The following PPFIA1 variants were observed in gnomAD, a reference collection of about 807,000 sequenced individuals.
PPFIA1 encodes the protein PPFI scaffold protein A1.
Under a neutral mutation model 149.9 loss-of-function variants are expected in PPFIA1, and 25 were observed. That is an observed-to-expected ratio of 0.17 (90% CI 0.12 to 0.23). The LOEUF (loss-of-function observed/expected upper bound fraction) is 0.23, where lower values mean the gene tolerates loss of function less well. Ranked by LOEUF, PPFIA1 falls within the 10% of genes least tolerant of loss-of-function variation. PPFIA1 has a pLI of 1.00. For missense variants in PPFIA1, 1,362 were observed against 1,506.5 expected (o/e 0.90, Z 1.59); for synonymous variants, 549 against 552.8 (o/e 0.99, Z 0.10).
Position 70,365,434 on chromosome 11 carries a change from C to T in PPFIA1, c.2865+2946C>T, listed in dbSNP as rs879389943. ...GAAACGCTCGCAGCCACGCCGCAAA[C>T]GGTTAGTCACGCCCCACAGCCTGCA... On this transcript the variant is annotated intron_variant, in intron 21 of 27. Transcript: ENST00000253925. 3 of 456,668 alleles carry T rather than the reference C, an allele frequency of 6.6e-6. No homozygotes were observed. In the East Asian group the frequency reaches 2.1e-4, roughly 32 times the overall value. 28.3% of individuals were successfully genotyped at this position (456,668 alleles called of 1,614,324 possible).
chr11:70,292,515 A>G (rs72945194), intron 2 of PPFIA1, among the ~76,000 whole-genome samples: 18,799 of 152,240 alleles, frequency 0.12, 1,272 homozygotes, highest in Admixed American at 0.18. Flanking sequence ...GTTTCCTCAC[A>G]GTAAATTAGA....
chr11:70,330,432 A>G, intron 8 of PPFIA1, 113 bp downstream of exon 8: 1 of 903,786 alleles, frequency 1.1e-6, no homozygotes, highest in Non-Finnish European at 1.6e-6. Flanking sequence ...AGTTTTTATG[A>G]CCTTAGAATA....
rs770397955 is a variant in PPFIA1 at position 70,362,326 on chromosome 11, C to T, written c.2703C>T (p.Cys901=). Residue 901 remains cysteine, a synonymous_variant, in exon 21 of 28, where the codon TGC becomes TGT. Transcript: ENST00000253925. The part of the protein sequence containing the change: ...VGMPAWYVAA[C]RANVKSGAIM... ...TGCCAGCCTGGTATGTGGCTGCCTG[C>T]CGAGCAAACGTGAAAAGCGGGGCCA... The T allele has an allele frequency of 1.2e-6, 2 of 1,614,208 alleles. No individual in the cohort carries two copies. The highest frequency in any genetic ancestry group is 2.2e-5 in the South Asian group (2 of 91,084).
At chr11:70,285,355 C>A (rs551070061) in intron 2 of PPFIA1, among the ~76,000 whole-genome samples, 1 of 152,054 alleles carries the variant, frequency 6.6e-6, no homozygotes, top group African/African-American at 2.4e-5. Context: ...AGAGCCACTT[C>A]AAGTGCATGG....
intron 15 of PPFIA1, among the ~76,000 whole-genome samples, chr11:70,347,021 A>G (rs1351166465): frequency 6.6e-6 from 1 of 152,216 alleles, no homozygotes. Flanking sequence ...TGAGGATGGT[A>G]GAGAATCCCA....
At chr11:70,272,048 A>C (rs2050126603) in intron 1 of PPFIA1, 125 bp from the exon 2 acceptor site, 1 of 1,083,752 alleles carries the variant, frequency 9.2e-7, no homozygotes, top group Non-Finnish European at 1.3e-6. Context: ...TTACACACAA[A>C]GCATAACAGA....
chr11:70,365,398 A>G (rs750885740), intron 21 of PPFIA1: 3 of 456,468 alleles, frequency 6.6e-6, no homozygotes, highest in East Asian at 7.0e-5. Flanking sequence ...TGGTTAACAC[A>G]CGAAGAGATG....
intron 19 of PPFIA1, among the ~76,000 whole-genome samples, chr11:70,360,658 C>T (rs777074419): frequency 2.0e-5 from 3 of 152,270 alleles, no homozygotes; most frequent in Non-Finnish European, 4.4e-5. Context: ...TGGTGATTGG[C>T]GCCATGCAGC....
chr11:70,360,555 C>T (rs947445198), intron 19 of PPFIA1, among the ~76,000 whole-genome samples: 4 of 152,228 alleles, frequency 2.6e-5, no homozygotes, highest in African/African-American at 9.6e-5. Flanking sequence ...TGTACTACTT[C>T]CTAGACCCAC....
chr11:70,297,606 T>C (rs1236186889), intron 2 of PPFIA1, among the ~76,000 whole-genome samples: 1 of 152,210 alleles, frequency 6.6e-6, no homozygotes, highest in African/African-American at 2.4e-5. Context: ...ATAAGCCTGC[T>C]AAGTCAAAGG....
At chr11:70,351,202 C>CA (rs1161296312) in intron 16 of PPFIA1, among the ~76,000 whole-genome samples, 1 of 152,172 alleles carries the variant, frequency 6.6e-6, no homozygotes, top group Non-Finnish European at 1.5e-5. Flanking sequence ...GGAAATTGGT[C>CA]ATTAGCGGTT....
chr11:70,284,076 T>C (rs770638542), intron 2 of PPFIA1: 1 of 503,178 alleles, frequency 2.0e-6, no homozygotes, highest in South Asian at 1.5e-5. Context: ...TGGCTACAAC[T>C]GTAATTTGTT....
intron 26 of PPFIA1, among the ~76,000 whole-genome samples, chr11:70,378,746 A>G (rs932595400): frequency 6.6e-6 from 1 of 152,214 alleles, no homozygotes; most frequent in African/African-American, 2.4e-5. Flanking sequence ...AGAAGTCCCC[A>G]GTGGAGCGAG....
chr11:70,272,178 G>T lies in PPFIA1; in HGVS notation c.6G>T (p.Met2Ile). Residue 2 changes from methionine to isoleucine, a missense_variant, in exon 2 of 28, where the codon ATG becomes ATT. This residue lies in a region of PPFIA1 where 100 missense variants were observed against 106.2 expected (regional missense o/e 0.94). Transcript: ENST00000253925. M[M>I]CEVMPTISEA... ...CCTGGGTCTTTCATTTCAAGATGAT[G>T]TGCGAGGTGATGCCGACCATCAGCG... 6.2e-7 allele frequency: 1 copy of T among 1,613,336 alleles called. No homozygotes were observed. Among genetic ancestry groups the T allele is most frequent in the Non-Finnish European group, 8.5e-7 (1 of 1,179,982 alleles).
chr11:70,340,537 C>T (rs1037434468), intron 14 of PPFIA1, among the ~76,000 whole-genome samples: 16 of 152,180 alleles, frequency 1.1e-4, no homozygotes, highest in South Asian at 4.1e-4. Context: ...GTCTGTTCAG[C>T]AGCATTTGTT....
At chr11:70,380,704 C>T (rs556449997) in intron 26 of PPFIA1, among the ~76,000 whole-genome samples, 1 of 149,974 alleles carries the variant, frequency 6.7e-6, no homozygotes, top group South Asian at 2.1e-4. Context: ...CACTGTACTC[C>T]AGCCTGGGCG....
chr11:70,304,607 G>T (rs548286768), intron 2 of PPFIA1, among the ~76,000 whole-genome samples: 4 of 152,198 alleles, frequency 2.6e-5, no homozygotes, highest in Admixed American at 6.5e-5. Flanking sequence ...AGAAGCACAG[G>T]TCACAACCTG....
intron 11 of PPFIA1, 45 bp from the exon 12 acceptor site, chr11:70,337,320 G>T: frequency 7.5e-7 from 1 of 1,339,328 alleles, no homozygotes; most frequent in Non-Finnish European, 1.0e-6. Flanking sequence ...ATATTTAAAT[G>T]GGACATTTTA....
chr11:70,381,990 T>C, intron 26 of PPFIA1, 98 bp from the exon 27 acceptor site: 1 of 1,027,422 alleles, frequency 9.7e-7, no homozygotes, highest in African/African-American at 1.6e-5. Context: ...GGCACTGCTG[T>C]AGGTGTGAAG....
Sources: allele counts gnomAD v4.1 joint callset (sites outside exome capture counted in the v4.1 genomes callset), GRCh38; gene constraint gnomAD v4.1.1; regional missense constraint gnomAD v4.1.1; transcripts MANE v1.5; gene names NCBI Gene and HGNC (gene_info 2026-07-23, HGNC 2026-07-21).